Variants in STK39 observed in about 807,000 individuals in gnomAD.
STK39 encodes the protein serine/threonine kinase 39, also known as STE20/SPS1-related proline-alanine-rich protein kinase.
In STK39, 20 loss-of-function variants were observed where a neutral mutation model predicts 77.8. The observed-to-expected ratio is 0.26, with a 90% CI of 0.18 to 0.37. The LOEUF is 0.37. STK39 is among the 10% of genes least tolerant of loss of function. The pLI, the probability that STK39 is intolerant of heterozygous loss-of-function variation, is 1.00. For missense variants in STK39, 479 were observed against 656.5 expected (o/e 0.73, Z 2.95); for synonymous variants, 246 against 234.1 (o/e 1.05, Z -0.47).
intron 16 of STK39, among the ~76,000 whole-genome samples, chr2:168,008,788 G>A (rs1684197005): frequency 6.6e-6 from 1 of 152,126 alleles, no homozygotes; most frequent in Non-Finnish European, 1.5e-5. Context: ...GGAGAACTAG[G>A]AGAGGGTGGA....
At chr2:168,026,546 T>C (rs987610047) in intron 14 of STK39, among the ~76,000 whole-genome samples, 2 of 152,184 alleles carry the variant, frequency 1.3e-5, no homozygotes, top group Non-Finnish European at 2.9e-5. Flanking sequence ...CCAGGAGCCA[T>C]TAACGGAAGA....
intron 14 of STK39, among the ~76,000 whole-genome samples, chr2:168,018,761 G>A (rs1684497246): frequency 6.6e-6 from 1 of 152,074 alleles, no homozygotes; most frequent in African/African-American, 2.4e-5. Context: ...TGGTCTCTGT[G>A]AACTGTGCCC....
At chr2:168,101,665 G>A (rs1404278253) in intron 10 of STK39, among the ~76,000 whole-genome samples, 2 of 152,076 alleles carry the variant, frequency 1.3e-5, no homozygotes, top group Non-Finnish European at 2.9e-5. Flanking sequence ...TTGAACCTGG[G>A]AGGCAGAGGC....
intron 1 of STK39, among the ~76,000 whole-genome samples, chr2:168,243,599 CTGAGG>C (rs1286889268): frequency 2.6e-5 from 4 of 152,186 alleles, no homozygotes; most frequent in Non-Finnish European, 5.9e-5. Context: ...CAAACTCCTG[CTGAGG>C]CAGGAGTCTA....
intron 1 of STK39, among the ~76,000 whole-genome samples, chr2:168,230,283 G>C (rs575372188): frequency 6.6e-6 from 1 of 152,280 alleles, no homozygotes; most frequent in East Asian, 1.9e-4. Context: ...CAAGGAATGT[G>C]GCAGAGTGGC....
chr2:168,094,277 C>T (rs953318320), intron 10 of STK39, among the ~76,000 whole-genome samples: 1 of 152,178 alleles, frequency 6.6e-6, no homozygotes, highest in African/African-American at 2.4e-5. Context: ...TCTGTAGCCT[C>T]GACACAGTCC....
intron 14 of STK39, among the ~76,000 whole-genome samples, chr2:168,017,676 A>G (rs886294432): frequency 3.9e-5 from 6 of 152,098 alleles, no homozygotes; most frequent in African/African-American, 1.4e-4. Flanking sequence ...CCTGGCCAAT[A>G]TAATTTTATT....
chr2:168,207,751 T>C (rs1201027564), intron 1 of STK39, among the ~76,000 whole-genome samples: 1 of 151,412 alleles, frequency 6.6e-6, no homozygotes, highest in African/African-American at 2.4e-5. Context: ...AGGTACCGTG[T>C]CTGTTGTTTT....
intron 10 of STK39, among the ~76,000 whole-genome samples, chr2:168,088,656 G>C (rs945687864): frequency 3.9e-5 from 6 of 152,124 alleles, no homozygotes; most frequent in Non-Finnish European, 8.8e-5. Context: ...ATAACAAGTA[G>C]AAAAGGCTAA....
At chr2:168,079,052 T>C (rs1686157686) in intron 10 of STK39, among the ~76,000 whole-genome samples, 1 of 152,236 alleles carries the variant, frequency 6.6e-6, no homozygotes, top group Non-Finnish European at 1.5e-5. Context: ...TATTTCTAAT[T>C]AATTGCTGTT....
chr2:168,048,099 T>C (rs966367331), intron 14 of STK39, among the ~76,000 whole-genome samples: 2 of 150,890 alleles, frequency 1.3e-5, no homozygotes, highest in Non-Finnish European at 3.0e-5. Context: ...GCTCAGGAGA[T>C]AATCTCTAGT....
chr2:168,203,991 C>A (rs1394314549), intron 1 of STK39, among the ~76,000 whole-genome samples: 1 of 152,222 alleles, frequency 6.6e-6, no homozygotes, highest in African/African-American at 2.4e-5. Flanking sequence ...GGGAAAAACA[C>A]AGAGGCTCCT....
intron 16 of STK39, among the ~76,000 whole-genome samples, chr2:168,000,924 C>T (rs1366513448): frequency 1.3e-5 from 2 of 152,164 alleles, no homozygotes; most frequent in East Asian, 1.9e-4. Context: ...AACCTCTCAT[C>T]GCTGACCAAA....
chr2:168,132,089 G>A (rs568956907), intron 8 of STK39, among the ~76,000 whole-genome samples: 3 of 152,310 alleles, frequency 2.0e-5, no homozygotes, highest in Admixed American at 2.0e-4. Flanking sequence ...GGAACATGTA[G>A]TAGAAACACT....
intron 10 of STK39, among the ~76,000 whole-genome samples, chr2:168,126,976 T>C (rs1436323222): frequency 2.0e-5 from 3 of 152,166 alleles, no homozygotes; most frequent in African/African-American, 7.2e-5. Context: ...TTTGAAGGGA[T>C]GGATGATGGA....
intron 2 of STK39, among the ~76,000 whole-genome samples, chr2:168,170,149 T>C (rs1688788067): frequency 6.6e-6 from 1 of 152,170 alleles, no homozygotes; most frequent in African/African-American, 2.4e-5. Context: ...ACCTGAAAAC[T>C]AGAAATCTTT....
chr2:168,055,101 T>TA (rs1181904794), intron 14 of STK39, among the ~76,000 whole-genome samples: 1 of 152,116 alleles, frequency 6.6e-6, no homozygotes, highest in Non-Finnish European at 1.5e-5. Context: ...GAACATGTAC[T>TA]AAAAAAGCAC....
intron 2 of STK39, among the ~76,000 whole-genome samples, chr2:168,173,465 G>C (rs1688878614): frequency 6.6e-6 from 1 of 152,094 alleles, no homozygotes; most frequent in Admixed American, 6.5e-5. Flanking sequence ...GGAAGAACAG[G>C]ATTAACAAGG....
chr2:168,126,936 T>C (rs1389469641), intron 10 of STK39, among the ~76,000 whole-genome samples: 1 of 152,156 alleles, frequency 6.6e-6, no homozygotes, highest in African/African-American at 2.4e-5. Flanking sequence ...TTCACTCCTA[T>C]GTGACACTGA....
Sources: gnomAD v4.1 joint callset for allele counts (sites outside exome capture counted in the v4.1 genomes callset) on GRCh38, gnomAD v4.1.1 for gene constraint, MANE v1.5 for transcripts, NCBI Gene and HGNC (gene_info 2026-07-23, HGNC 2026-07-21) for gene names.